The following ZBTB7A variants were observed in gnomAD, a reference collection of about 807,000 sequenced individuals.
The protein encoded by ZBTB7A is zinc finger and BTB domain-containing protein 7A.
Under a neutral mutation model 26.7 loss-of-function variants are expected in ZBTB7A, and 7 were observed. The ratio of observed to expected loss-of-function variants is 0.26; its 90% CI spans 0.15 to 0.49. ZBTB7A has a LOEUF of 0.49. Among genes scored for constraint, ZBTB7A ranks in the 20% least tolerant of loss-of-function variants. ZBTB7A has a pLI of 0.98. For missense variants in ZBTB7A, 617 were observed against 919.5 expected (o/e 0.67, Z 4.25); for synonymous variants, 452 against 441.0 (o/e 1.02, Z -0.31).
intron 2 of ZBTB7A, among the ~76,000 whole-genome samples, chr19:4,049,166 GTGTATATATATATATATATATA>G (rs1424716509): frequency 1.5e-4 from 2 of 13,484 alleles, no homozygotes; most frequent in African/African-American, 4.2e-4. Flanking sequence ...GTGTGTGTGT[GTGTATATATATATATATATATA>G]TATATATATA....
At chr19:4,063,227 G>A (rs576097095) in intron 1 of ZBTB7A, among the ~76,000 whole-genome samples, 2 of 152,278 alleles carry the variant, frequency 1.3e-5, no homozygotes, top group African/African-American at 4.8e-5. Context: ...CAGCAGCTGG[G>A]GGACCCTCCA....
chr19:4,055,944 A>C (rs763276555), intron 1 of ZBTB7A, among the ~76,000 whole-genome samples: 1 of 152,192 alleles, frequency 6.6e-6, no homozygotes, highest in Non-Finnish European at 1.5e-5. Flanking sequence ...CCATCTGTGC[A>C]TGAGGATAGC....
At position 4,044,671 on chromosome 19, in the gene ZBTB7A, C is replaced by CTTTTTTTTTTTTCTCT. The variant is rs2040391405; in HGVS notation, c.*3065_*3080dup. 7.5e-6 allele frequency: 1 copy of CTTTTTTTTTTTTCTCT among 133,206 alleles called. No homozygotes were observed. 8.3% of individuals were successfully genotyped at this position (133,206 alleles called of 1,614,324 possible). On this transcript the variant is annotated 3_prime_UTR_variant, in exon 3 of 3. Transcript: ENST00000322357. ...GAAATAACAATTTCGCATTGTTTTT[C>CTTTTTTTTTTTTCTCT]TTTTTTTTTTTTCTCTTTTTTTTTT...
intron 2 of ZBTB7A, among the ~76,000 whole-genome samples, chr19:4,050,347 C>T (rs1208247097): frequency 6.6e-6 from 1 of 152,128 alleles, no homozygotes; most frequent in Non-Finnish European, 1.5e-5. Flanking sequence ...AGGCGTGAGC[C>T]ACCGCGCCCG....
At position 4,053,227 on chromosome 19, in the gene ZBTB7A, A is replaced by T. The variant is rs983927387; in HGVS notation, c.1262+744T>A. Among the ~76,000 whole-genome samples the T allele has an allele frequency of 2.6e-5, 4 of 152,186 alleles. No individual in the cohort carries two copies. The East Asian group carries it at 7.7e-4, about 29-fold the overall frequency. ...ACGCTTTGCATATGATGTGGCTGTC[A>T]TCTTATGTCTGGCCTGTGCTGTCAC... On this transcript the variant is annotated intron_variant, in intron 2 of 2. Transcript: ENST00000322357.
rs2040372209 is a variant in ZBTB7A, at chr19:4,043,611, T to G, written c.*4141A>C. Among the ~76,000 whole-genome samples the G allele has an allele frequency of 6.6e-6, 1 of 150,676 alleles. No homozygotes were observed. The highest frequency in any genetic ancestry group is 1.5e-5 in the Non-Finnish European group (1 of 67,708). On this transcript the variant is annotated 3_prime_UTR_variant, in exon 3 of 3. Transcript: ENST00000322357. The stretch of plus-strand genomic sequence containing the variant: ...GTCCAAGGCACCTCGATTCTGGGCC[T>G]GGGGTGGGGTGGGGGGCGGGACCTG...
intron 1 of ZBTB7A, among the ~76,000 whole-genome samples, chr19:4,064,926 A>G (rs1210164731): frequency 6.6e-6 from 1 of 151,512 alleles, no homozygotes; most frequent in African/African-American, 2.4e-5. Context: ...GCCGCGGCCC[A>G]CCGTGCGCCC....
Position 4,052,001 on chromosome 19 carries a change from T to G in ZBTB7A, c.1262+1970A>C, listed in dbSNP as rs1599252274. ...CTCGGGCTCCCAGGCTTTTGGAGGG[T>G]GGAGGTGCTGGTGTCCTGGGGAGGG... On this transcript the variant is annotated intron_variant, in intron 2 of 2. Transcript: ENST00000322357. The surrounding 1 kb of genome is among the most constrained non-coding windows in gnomAD (Gnocchi z 4.9). 2.2e-5 allele frequency among the ~76,000 whole-genome samples: 3 copies of G among 137,140 alleles called. No homozygotes were observed. The highest frequency in any genetic ancestry group is 8.4e-5 in the African/African-American group (3 of 35,914). The allele number at this position is 137,140 out of a possible 152,430, so 90.0% of individuals were successfully genotyped here.
In ZBTB7A at chr19:4,047,909, C is replaced by A; in HGVS notation, c.1598G>T (p.Gly533Val). 3.2e-6 allele frequency: 5 copies of A among 1,544,278 alleles called. No individual in the cohort carries two copies. The highest frequency in any genetic ancestry group is 4.4e-6 in the Non-Finnish European group (5 of 1,146,924). ...QPSSPDARRNGQEKHFKDEDE... is the reference protein window; with the variant it reads ...QPSSPDARRNVQEKHFKDEDE... ...CTCGTCCTTAAAGTGCTTCTCCTGG[C>A]CGTTGCGCCGGGCGTCGGGGGAGCT... Residue 533 changes from glycine to valine, a missense_variant, in exon 3 of 3, where the codon GGC becomes GTC. Around this residue, in one of 5 missense-constraint regions of ZBTB7A, gnomAD observed 136 missense variants for 126.6 expected, o/e 1.07. Coordinates refer to ENST00000322357, the MANE Select transcript of ZBTB7A (RefSeq NM_015898.4).
At chr19:4,056,888 G>A (rs1844033986) in intron 1 of ZBTB7A, among the ~76,000 whole-genome samples, 1 of 151,808 alleles carries the variant, frequency 6.6e-6, no homozygotes, top group African/African-American at 2.4e-5. Context: ...TCAGCCAGGC[G>A]TGGTGGCGCG....
intron 2 of ZBTB7A, among the ~76,000 whole-genome samples, chr19:4,050,010 G>A (rs1227343531): frequency 2.0e-5 from 3 of 152,026 alleles, no homozygotes; most frequent in Non-Finnish European, 2.9e-5. Context: ...TGCAACTTCC[G>A]TCTCCCGGGT....
At chr19:4,051,713 C>A (rs2040505853) in intron 2 of ZBTB7A, among the ~76,000 whole-genome samples, 1 of 152,250 alleles carries the variant, frequency 6.6e-6, no homozygotes, top group Non-Finnish European at 1.5e-5. Context: ...TTGCCCAGAT[C>A]TGGCACAGGG....
At position 4,054,423 on chromosome 19, in the gene ZBTB7A, G is replaced by A; in HGVS notation, c.810C>T (p.Gly270=). ...PVAPPAATQN[G]HYGRGGEEEA... ...CCTCCTCTCCGCCGCGGCCGTAGTG[G>A]CCGTTCTGCGTGGCGGCCGGCGGGG... is the stretch of plus-strand genomic sequence containing the variant. The change falls in exon 2 of 3, where the codon GGC becomes GGT. Residue 270 remains glycine, a synonymous_variant. Transcript: ENST00000322357. 2.9e-6 allele frequency: 4 copies of A among 1,368,858 alleles called. No individual in the cohort carries two copies. The highest frequency in any genetic ancestry group is 3.7e-6 in the Non-Finnish European group (4 of 1,070,180). The allele number at this position is 1,368,858 out of a possible 1,614,324, so 84.8% of individuals were successfully genotyped here. A position where few individuals can be genotyped will look rare whatever the true frequency, so the allele number is the denominator to read the frequency against.
chr19:4,059,917 G>C (rs2040621560), intron 1 of ZBTB7A, among the ~76,000 whole-genome samples: 1 of 152,158 alleles, frequency 6.6e-6, no homozygotes, highest in Non-Finnish European at 1.5e-5. Context: ...AAGCCCCACT[G>C]TGCGCCCGAC....
chr19:4,057,599 G>C (rs1180711989), intron 1 of ZBTB7A, among the ~76,000 whole-genome samples: 1 of 151,480 alleles, frequency 6.6e-6, no homozygotes, highest in African/African-American at 2.4e-5. Context: ...ACCATCCTGG[G>C]CAACATGGTG....
intron 2 of ZBTB7A, among the ~76,000 whole-genome samples, chr19:4,051,889 C>A (rs905299750): frequency 2.0e-5 from 3 of 152,128 alleles, no homozygotes; most frequent in Non-Finnish European, 4.4e-5. Context: ...TCCCTAGTTT[C>A]ATCACCCCGA....
chr19:4,047,728 G>A lies in ZBTB7A; in HGVS notation c.*24C>T. 4 of 1,583,162 alleles carry A rather than the reference G, an allele frequency of 2.5e-6. No homozygotes were observed. The highest frequency in any genetic ancestry group is 3.4e-6 in the Non-Finnish European group (4 of 1,167,176). On this transcript the variant is annotated 3_prime_UTR_variant, in exon 3 of 3. Transcript: ENST00000322357. Reference sequence around the variant, plus strand: ...CTCTCTCTGTCTCTCTCTTTCTCGGGTTTCTGTTTTCTCTTTTTGGTTTTT... The same window carrying A: ...CTCTCTCTGTCTCTCTCTTTCTCGGATTTCTGTTTTCTCTTTTTGGTTTTT...
At chr19:4,053,571 G>A (rs561179637) in intron 2 of ZBTB7A, among the ~76,000 whole-genome samples, 59 of 150,484 alleles carry the variant, frequency 3.9e-4, no homozygotes, top group Non-Finnish European at 6.1e-4. Flanking sequence ...GTGTGTGTGC[G>A]CGCATGTCGG....
chr19:4,061,018 G>GAGGTCT (rs2040632481), intron 1 of ZBTB7A, among the ~76,000 whole-genome samples: 1 of 152,178 alleles, frequency 6.6e-6, no homozygotes, highest in Non-Finnish European at 1.5e-5. Context: ...ACCTCTCTGA[G>GAGGTCT]CCTCTGTCTC....
Sources: allele counts gnomAD v4.1 joint callset (sites outside exome capture counted in the v4.1 genomes callset), GRCh38; gene constraint gnomAD v4.1.1; regional missense constraint gnomAD v4.1.1; non-coding constraint Gnocchi (gnomAD v3.1); transcripts MANE v1.5; gene names NCBI Gene and HGNC (gene_info 2026-07-23, HGNC 2026-07-21).